Variants in ERBB4 observed in about 807,000 individuals in gnomAD.
The protein encoded by ERBB4 is erb-b2 receptor tyrosine kinase 4, also known as receptor tyrosine-protein kinase erbB-4.
Under a neutral mutation model 158.0 loss-of-function variants are expected in ERBB4, and 42 were observed. The observed-to-expected ratio is 0.27, with a 90% confidence interval of 0.21 to 0.34. The LOEUF (loss-of-function observed/expected upper bound fraction) is 0.34. Ranked by LOEUF, ERBB4 falls within the 10% of genes least tolerant of loss-of-function variation. The probability of loss-of-function intolerance (pLI) is 1.00; values close to 1 mark genes in which losing one functional copy is unlikely to be tolerated. For synonymous variants in ERBB4, 583 were observed against 558.7 expected (o/e 1.04, Z -0.61); for missense variants, 1,333 against 1,624.1 (o/e 0.82, Z 3.08).
intron 19 of ERBB4, among the ~76,000 whole-genome samples, chr2:211,607,359 A>G (rs2069022512): frequency 6.6e-6 from 1 of 152,176 alleles, no homozygotes; most frequent in Non-Finnish European, 1.5e-5. Flanking sequence ...CAGTTCAATG[A>G]GCTCAGGGAC....
Position 211,702,406 on chromosome 2 carries a change from G to A in ERBB4, c.1290-240C>T, listed in dbSNP as rs189088993. 1.7e-4 allele frequency among the ~76,000 whole-genome samples: 26 copies of A among 152,090 alleles called. No individual in the cohort carries two copies. The East Asian group carries it at 4.6e-3, about 27-fold the overall frequency. ...ATATTGGCAGTGTATCTCTATTTCTGTGTATGTATTTACCACTGAAATATC... is the reference window on the plus strand; with the variant it reads ...ATATTGGCAGTGTATCTCTATTTCTATGTATGTATTTACCACTGAAATATC... On this transcript the variant is annotated intron_variant, in intron 11 of 27. Coordinates refer to ENST00000342788, the MANE Select transcript of ERBB4 (RefSeq NM_005235.3).
At chr2:212,301,060 G>A (rs1480451965) in intron 1 of ERBB4, among the ~76,000 whole-genome samples, 1 of 149,828 alleles carries the variant, frequency 6.7e-6, no homozygotes, top group Non-Finnish European at 1.5e-5. Context: ...TAAAAGATTT[G>A]TACAGTTAAG....
At chr2:212,264,923 C>G (rs1296695461) in intron 1 of ERBB4, among the ~76,000 whole-genome samples, 3 of 152,094 alleles carry the variant, frequency 2.0e-5, no homozygotes, top group African/African-American at 7.2e-5. Flanking sequence ...GGCAGTGTTT[C>G]CTTCATCATA....
At chr2:212,198,808 T>A (rs1364353596) in intron 1 of ERBB4, among the ~76,000 whole-genome samples, 1 of 137,686 alleles carries the variant, frequency 7.3e-6, no homozygotes, top group Non-Finnish European at 1.5e-5. Flanking sequence ...GGTCTCAAAC[T>A]CCTGACCTCA....
In ERBB4 at chr2:211,486,119, A is replaced by C. The variant is rs373719147; in HGVS notation, c.2488-55019T>G. ...AACTAAGCATACTATATAATTAACT[A>C]AAAGTTTACAGCTAATAGCAAAAAT... On this transcript the variant is annotated intron_variant, in intron 20 of 27. Transcript: ENST00000342788. Among the ~76,000 whole-genome samples the C allele has an allele frequency of 3.9e-5, 6 of 152,254 alleles. No individual in the cohort carries two copies. In the East Asian group the frequency reaches 1.2e-3, roughly 29 times the overall value.
intron 3 of ERBB4, among the ~76,000 whole-genome samples, chr2:211,905,681 T>TATATATAC (rs1480195605): frequency 7.6e-4 from 84 of 110,612 alleles, no homozygotes; most frequent in East Asian, 1.2e-3. Context: ...TATATATATA[T>TATATATAC]ACACACATAT....
intron 1 of ERBB4, among the ~76,000 whole-genome samples, chr2:212,126,258 G>C (rs2125575030): frequency 6.6e-6 from 1 of 152,090 alleles, no homozygotes; most frequent in East Asian, 1.9e-4. Context: ...GAGGTCAGGA[G>C]TTCCCAACCT....
At chr2:211,596,390 T>C (rs2068630996) in intron 19 of ERBB4, among the ~76,000 whole-genome samples, 1 of 152,192 alleles carries the variant, frequency 6.6e-6, no homozygotes, top group African/African-American at 2.4e-5. Flanking sequence ...AAGACGAATA[T>C]ATTCTGGCAA....
chr2:211,584,157 T>A (rs2068192817), intron 19 of ERBB4, among the ~76,000 whole-genome samples: 1 of 151,698 alleles, frequency 6.6e-6, no homozygotes, highest in African/African-American at 2.4e-5. Context: ...ATATCTTGCA[T>A]ATTTAATTCA....
chr2:211,937,215 A>G (rs2080349525), intron 3 of ERBB4, among the ~76,000 whole-genome samples: 1 of 151,852 alleles, frequency 6.6e-6, no homozygotes, highest in South Asian at 2.1e-4. Context: ...TGTTTCCTAC[A>G]ATTGATGATG....
intron 2 of ERBB4, among the ~76,000 whole-genome samples, chr2:211,981,786 T>C (rs1025614427): frequency 4.6e-5 from 7 of 152,198 alleles, no homozygotes; most frequent in African/African-American, 1.7e-4. Flanking sequence ...AATATTTGCA[T>C]TTGCCTCTGA....
At chr2:212,146,386 T>G (rs948099532) in intron 1 of ERBB4, among the ~76,000 whole-genome samples, 1 of 152,196 alleles carries the variant, frequency 6.6e-6, no homozygotes, top group Non-Finnish European at 1.5e-5. Flanking sequence ...AATACACAAG[T>G]GCCAAGAATT....
At chr2:212,516,064 A>T (rs774687607) in intron 1 of ERBB4, among the ~76,000 whole-genome samples, 1 of 152,018 alleles carries the variant, frequency 6.6e-6, no homozygotes, top group Non-Finnish European at 1.5e-5. Context: ...GGGGTATAAA[A>T]TAAGTACAAA....
At chr2:211,447,159 T>C (rs930896603) in intron 20 of ERBB4, among the ~76,000 whole-genome samples, 1 of 152,186 alleles carries the variant, frequency 6.6e-6, no homozygotes, top group African/African-American at 2.4e-5. Context: ...ATTATGATCA[T>C]GTTTGGCAAA....
intron 1 of ERBB4, among the ~76,000 whole-genome samples, chr2:212,352,913 A>C (rs1276697369): frequency 6.6e-6 from 1 of 152,082 alleles, no homozygotes; most frequent in South Asian, 2.1e-4. Flanking sequence ...TTGAATTATA[A>C]TTTACTTTAA....
rs115252632 is a variant in ERBB4 at position 211,992,694 on chromosome 2, G to A, written c.235-45078C>T. On this transcript the variant is annotated intron_variant, in intron 2 of 27. Coordinates refer to ENST00000342788, the MANE Select transcript of ERBB4 (RefSeq NM_005235.3). ...GACCCAGACTCTCCACTCTTCAGGT[G>A]AGACAGAAAGAAAATTGTGGACACC... Among the ~76,000 whole-genome samples the A allele has an allele frequency of 4.5e-3, 687 of 152,212 alleles. 4 individuals carry two copies. Among genetic ancestry groups the A allele is most frequent in the Non-Finnish European group, 6.4e-3 (432 of 68,012 alleles).
chr2:212,524,524 C>T (rs1443036307), intron 1 of ERBB4, among the ~76,000 whole-genome samples: 1 of 152,048 alleles, frequency 6.6e-6, no homozygotes, highest in East Asian at 1.9e-4. Flanking sequence ...CTCATACTCA[C>T]TCTTGGGAAA....
chr2:211,764,663 G>A (rs982065011), intron 4 of ERBB4, among the ~76,000 whole-genome samples: 6 of 152,050 alleles, frequency 3.9e-5, no homozygotes, highest in Admixed American at 6.6e-5. Context: ...TACTATCTCC[G>A]GAGCCCATAC....
At chr2:211,866,709 T>A (rs2078214152) in intron 3 of ERBB4, among the ~76,000 whole-genome samples, 1 of 152,200 alleles carries the variant, frequency 6.6e-6, no homozygotes, top group South Asian at 2.1e-4. Flanking sequence ...CCACTGTTTA[T>A]AAAAAGTATT....
Sources: gnomAD v4.1 joint callset for allele counts (sites outside exome capture counted in the v4.1 genomes callset) on GRCh38, gnomAD v4.1.1 for gene constraint, MANE v1.5 for transcripts, NCBI Gene and HGNC (gene_info 2026-07-23, HGNC 2026-07-21) for gene names.